Variants in MGAT4C observed in about 807,000 individuals in gnomAD.
MGAT4C encodes MGAT4 family member C.
Under a neutral mutation model 40.1 loss-of-function variants are expected in MGAT4C, and 19 were observed. The ratio of observed to expected loss-of-function variants is 0.47; its 90% CI spans 0.33 to 0.70. The LOEUF (loss-of-function observed/expected upper bound fraction) is 0.70, where lower values mean the gene tolerates loss of function less well. Among genes scored for constraint, MGAT4C ranks in the 30% least tolerant of loss-of-function variants. The pLI is 0.02. For missense variants in MGAT4C, 491 were observed against 563.2 expected, an observed-to-expected ratio of 0.87 and a Z score of 1.30; for synonymous variants, 181 against 187.1, an observed-to-expected ratio of 0.97 and a Z score of 0.27.
At chr12:86,479,891 C>G (rs1274458479) in intron 2 of MGAT4C, among the ~76,000 whole-genome samples, 1 of 151,802 alleles carries the variant, frequency 6.6e-6, no homozygotes, top group Non-Finnish European at 1.5e-5. Flanking sequence ...TTGGAAGTTA[C>G]TCTGACTAAA....
intron 2 of MGAT4C, among the ~76,000 whole-genome samples, chr12:86,574,047 C>CT (rs147100046): frequency 5.3e-5 from 8 of 151,486 alleles, no homozygotes; most frequent in East Asian, 1.9e-4. Context: ...TTTAGAGATA[C>CT]TTTTTTTTCA....
At chr12:86,272,439 T>G (rs2136109124) in intron 4 of MGAT4C, among the ~76,000 whole-genome samples, 1 of 152,304 alleles carries the variant, frequency 6.6e-6, no homozygotes, top group Admixed American at 6.5e-5. Flanking sequence ...AAAGAAACCA[T>G]GATACAATAT....
At chr12:86,725,916 A>G (rs552409068) in intron 2 of MGAT4C, among the ~76,000 whole-genome samples, 1 of 152,292 alleles carries the variant, frequency 6.6e-6, no homozygotes, top group African/African-American at 2.4e-5. Flanking sequence ...TTATGGTTGC[A>G]TTTTTCCTAG....
intron 2 of MGAT4C, among the ~76,000 whole-genome samples, chr12:86,638,930 C>T (rs917267011): frequency 1.3e-5 from 2 of 151,706 alleles, no homozygotes; most frequent in African/African-American, 4.8e-5. Flanking sequence ...TCATAGTAAA[C>T]TTGAGAGCCC....
intron 2 of MGAT4C, among the ~76,000 whole-genome samples, chr12:86,043,065 C>G: frequency 6.6e-6 from 1 of 152,108 alleles, no homozygotes; most frequent in African/African-American, 2.4e-5. Flanking sequence ...GGATGGTCAT[C>G]TTATGTAGTA....
At chr12:86,053,720 C>G (rs1235490675) in intron 1 of MGAT4C, among the ~76,000 whole-genome samples, 1 of 151,860 alleles carries the variant, frequency 6.6e-6, no homozygotes, top group Non-Finnish European at 1.5e-5. Flanking sequence ...GGAACTCAAA[C>G]AAACTATTAG....
intron 3 of MGAT4C, among the ~76,000 whole-genome samples, chr12:86,428,173 A>G (rs1007753882): frequency 4.6e-5 from 7 of 152,228 alleles, no homozygotes; most frequent in African/African-American, 1.7e-4. Flanking sequence ...TTATTTATTT[A>G]GATTATTTCA....
At chr12:86,110,263 A>G (rs1565995611) in intron 1 of MGAT4C, among the ~76,000 whole-genome samples, 1 of 78,044 alleles carries the variant, frequency 1.3e-5, no homozygotes, top group Non-Finnish European at 2.4e-5. Context: ...GAATATATAT[A>G]TAGACTATAT....
At chr12:86,203,865 G>A (rs1415226430) in intron 1 of MGAT4C, among the ~76,000 whole-genome samples, 1 of 151,154 alleles carries the variant, frequency 6.6e-6, no homozygotes, top group Non-Finnish European at 1.5e-5. Flanking sequence ...GCTGAGGCAC[G>A]AGAATCACTT....
At chr12:86,101,214 G>C (rs1874976926) in intron 1 of MGAT4C, among the ~76,000 whole-genome samples, 1 of 151,714 alleles carries the variant, frequency 6.6e-6, no homozygotes, top group Non-Finnish European at 1.5e-5. Context: ...TGTTCAGTAA[G>C]ATAAGGGATA....
At chr12:86,796,174 C>T (rs1428245246) in intron 1 of MGAT4C, among the ~76,000 whole-genome samples, 1 of 151,320 alleles carries the variant, frequency 6.6e-6, no homozygotes, top group Non-Finnish European at 1.5e-5. Context: ...CTGTCTCACA[C>T]TTGATGTGTC....
Position 85,971,463 on chromosome 12 carries a change from CATTGCCCAAATCA to C in MGAT4C, c.*7813_*7825del, listed in dbSNP as rs1883620989. 6.6e-6 allele frequency: 1 copy of C among 151,274 alleles called. No homozygotes were observed. The highest frequency in any genetic ancestry group is 2.4e-5 in the African/African-American group (1 of 41,368). The allele number at this position is 151,274 out of a possible 1,614,324, so 9.4% of individuals were successfully genotyped here. A position where few individuals can be genotyped will look rare whatever the true frequency, so the allele number is the denominator to read the frequency against. ...CTTTTGTAGCAAACACATGACTCAT[CATTGCCCAAATCA>C]ATTGCCCAAATCAATTCAAACATCT... On this transcript the variant is annotated 3_prime_UTR_variant, in exon 5 of 5. Transcript: ENST00000611864.
At chr12:86,088,906 T>C (rs1452176735) in intron 1 of MGAT4C, among the ~76,000 whole-genome samples, 1 of 152,048 alleles carries the variant, frequency 6.6e-6, no homozygotes, top group Non-Finnish European at 1.5e-5. Context: ...ATCTTCAACT[T>C]ATAGTCTGTA....
chr12:86,365,802 G>T (rs1210874654), intron 3 of MGAT4C, among the ~76,000 whole-genome samples: 3 of 151,554 alleles, frequency 2.0e-5, no homozygotes, highest in Non-Finnish European at 2.9e-5. Flanking sequence ...CACTGTTTTG[G>T]TTACTGTCAC....
At chr12:86,163,597 G>C (rs1885850838) in intron 1 of MGAT4C, among the ~76,000 whole-genome samples, 1 of 151,896 alleles carries the variant, frequency 6.6e-6, no homozygotes, top group Non-Finnish European at 1.5e-5. Context: ...TTTTGTTGAA[G>C]TATTGAATAA....
intron 1 of MGAT4C, among the ~76,000 whole-genome samples, chr12:86,777,142 AT>A (rs1220394491): frequency 2.6e-5 from 4 of 152,130 alleles, no homozygotes; most frequent in African/African-American, 4.8e-5. Context: ...ATTCTTTTAA[AT>A]TTTTTTAATG....
Position 86,059,715 on chromosome 12 carries a change from T to C in MGAT4C, c.-56-9992A>G, listed in dbSNP as rs189159799. On this transcript the variant is annotated intron_variant, in intron 1 of 4. Transcript: ENST00000611864. The stretch of plus-strand genomic sequence containing the variant: ...GCACAACCACAGTGGGAAACTTCAA[T>C]GTAGCTGATTACAAGGAGCTAAAGT... 2.3e-4 allele frequency among the ~76,000 whole-genome samples: 35 copies of C among 152,334 alleles called. No individual in the cohort carries two copies. The East Asian group carries it at 6.2e-3, about 27-fold the overall frequency.
At chr12:86,706,524 C>T (rs892334756) in intron 2 of MGAT4C, among the ~76,000 whole-genome samples, 1 of 152,034 alleles carries the variant, frequency 6.6e-6, no homozygotes, top group African/African-American at 2.4e-5. Flanking sequence ...TTCCAAAGGG[C>T]TAGGTTTACA....
chr12:86,808,890 C>T (rs1200798726), intron 1 of MGAT4C, among the ~76,000 whole-genome samples: 1 of 152,096 alleles, frequency 6.6e-6, no homozygotes, highest in Non-Finnish European at 1.5e-5. Context: ...ACCTTGTCGT[C>T]TCAGCCCAAA....
Sources: allele counts gnomAD v4.1 joint callset (sites outside exome capture counted in the v4.1 genomes callset), GRCh38; gene constraint gnomAD v4.1.1; transcripts MANE v1.5; gene names NCBI Gene and HGNC (gene_info 2026-07-23, HGNC 2026-07-21).